The following NABP2 variants were observed in gnomAD, a reference collection of about 807,000 sequenced individuals.
NABP2 encodes SOSS complex subunit B1.
In NABP2, 7 loss-of-function variants were observed where a neutral mutation model predicts 22.7. The ratio of observed to expected loss-of-function variants is 0.31; its 90% CI spans 0.18 to 0.58. The LOEUF (loss-of-function observed/expected upper bound fraction) is 0.58. NABP2 is among the 20% of genes least tolerant of loss of function. The pLI, the probability that NABP2 is intolerant of heterozygous loss-of-function variation, is 0.89. For synonymous variants in NABP2, 107 were observed against 99.2 expected, an observed-to-expected ratio of 1.08 and a Z score of -0.47; for missense variants, 188 against 265.9, an observed-to-expected ratio of 0.71 and a Z score of 2.04.
Position 56,229,087 on chromosome 12 carries a change from T to TGGCCGG in NABP2, c.510_511insGGCCGG (p.Thr170_Pro171insGlyArg). On this transcript the variant is annotated inframe_insertion, in exon 7 of 7. Transcript: ENST00000267023. ...GTGGTGGCCCACATCCCCCTCATAC[T>TGGCCGG]CCCTCCCACCCACCCAGCACCCGAA... The TGGCCGG allele has an allele frequency of 6.6e-7, 1 of 1,512,338 alleles. No homozygotes were observed. The allele number at this position is 1,512,338 out of a possible 1,614,324, so 93.7% of individuals were successfully genotyped here.
At position 56,226,475 on chromosome 12, in the gene NABP2, C is replaced by T. The variant is rs941582215; in HGVS notation, c.436+56C>T. On this transcript the variant is annotated intron_variant, in intron 6 of 6. Transcript: ENST00000267023. ...TCCTAGCTCTCCCACTCTCCTCAGC[C>T]TAGAAAGATGCATTTCCCTCATTCC... 16 of 1,478,452 alleles carry T rather than the reference C, an allele frequency of 1.1e-5. No individual in the cohort carries two copies. The African/African-American group carries it at 1.2e-4, about 12-fold the overall frequency. The allele number at this position is 1,478,452 out of a possible 1,614,324, so 91.6% of individuals were successfully genotyped here. A position where few individuals can be genotyped will look rare whatever the true frequency, so the allele number is the denominator to read the frequency against.
intron 1 of NABP2, 51 bp from the exon 2 acceptor site, chr12:56,224,783 T>TG: frequency 6.6e-7 from 1 of 1,510,280 alleles, no homozygotes; most frequent in Non-Finnish European, 9.2e-7. Flanking sequence ...AAGTGGAGCA[T>TG]GGGGGCAAAG....
chr12:56,228,614 CT>C (rs1869917652), intron 6 of NABP2, among the ~76,000 whole-genome samples: 2 of 152,172 alleles, frequency 1.3e-5, no homozygotes, highest in South Asian at 4.2e-4. Flanking sequence ...TCTCGAATGC[CT>C]GACCTCGTGA....
Position 56,229,087 on chromosome 12 carries a change from T to TTGGCGG in NABP2, c.510_511insTGGCGG (p.Thr170_Pro171insTrpArg). 3 of 1,512,336 alleles carry TTGGCGG rather than the reference T, an allele frequency of 2.0e-6. No homozygotes were observed. The highest frequency in any genetic ancestry group is 2.7e-6 in the Non-Finnish European group (3 of 1,102,004). 93.7% of individuals were successfully genotyped at this position (1,512,336 alleles called of 1,614,324 possible). ...GTGGTGGCCCACATCCCCCTCATACTCCCTCCCACCCACCCAGCACCCGAA... is the reference window on the plus strand; with the variant it reads ...GTGGTGGCCCACATCCCCCTCATACTTGGCGGCCCTCCCACCCACCCAGCACCCGAA... On this transcript the variant is annotated inframe_insertion, in exon 7 of 7. Coordinates refer to ENST00000267023, the MANE Select transcript of NABP2 (RefSeq NM_024068.4).
At chr12:56,227,267 T>G (rs1869817361) in intron 6 of NABP2, among the ~76,000 whole-genome samples, 1 of 151,782 alleles carries the variant, frequency 6.6e-6, no homozygotes, top group African/African-American at 2.4e-5. Flanking sequence ...TCCCAGCTAC[T>G]TGGGAGGCCG....
At chr12:56,228,411 GAGT>G (rs1162040602) in intron 6 of NABP2, among the ~76,000 whole-genome samples, 1 of 149,580 alleles carries the variant, frequency 6.7e-6, no homozygotes, top group East Asian at 2.0e-4. Context: ...AATTGAGAAG[GAGT>G]CTCACACTGT....
chr12:56,226,557 C>CTTTTTTTTTTTTTTT (rs10676451), intron 6 of NABP2, 138 bp downstream of exon 6: 4 of 227,662 alleles, frequency 1.8e-5, no homozygotes, highest in Admixed American at 1.9e-4. Flanking sequence ...TCCCAGACCC[C>CTTTTTTTTTTTTTTT]TTTTTTTTTT....
chr12:56,223,541 A>C (rs1869608182), upstream of NABP2: 1 of 151,760 alleles, frequency 6.6e-6, no homozygotes, highest in Admixed American at 6.6e-5. Context: ...TGTTTCAAAA[A>C]AAAAAAAAAA....
intron 1 of NABP2, 147 bp downstream of exon 1, chr12:56,224,588 G>A: frequency 8.2e-7 from 1 of 1,222,656 alleles, no homozygotes; most frequent in Non-Finnish European, 1.0e-6. Flanking sequence ...CCGCCACTTC[G>A]CGGCTTGAGA....
At position 56,228,929 on chromosome 12, in the gene NABP2, C is replaced by T. The variant is rs1869946523; in HGVS notation, c.437-85C>T. ...GTTGTGCATGGTGAAGACTGTGCCA[C>T]TCTTTGGGGCATGGAGACAGGCCTT... On this transcript the variant is annotated intron_variant, in intron 6 of 6. Coordinates refer to ENST00000267023, the MANE Select transcript of NABP2 (RefSeq NM_024068.4). The T allele has an allele frequency of 2.3e-6, 3 of 1,279,888 alleles. No individual in the cohort carries two copies. In the East Asian group the frequency reaches 7.5e-5, roughly 32 times the overall value. 79.3% of individuals were successfully genotyped at this position (1,279,888 alleles called of 1,614,324 possible).
chr12:56,224,995 G>A (rs1389974026), intron 2 of NABP2, 60 bp downstream of exon 2: 2 of 1,267,984 alleles, frequency 1.6e-6, no homozygotes, highest in Non-Finnish European at 2.3e-6. Flanking sequence ...GGGGAAGAAC[G>A]CTGTCTGCGT....
At chr12:56,225,892 C>G (rs1035396827) in intron 4 of NABP2, among the ~76,000 whole-genome samples, 197 bp downstream of exon 4, 1 of 152,104 alleles carries the variant, frequency 6.6e-6, no homozygotes, top group Non-Finnish European at 1.5e-5. Flanking sequence ...CTTGACCTCC[C>G]GGGGTCAGGT....
chr12:56,226,249 C>T lies in NABP2; in HGVS notation c.361C>T (p.Pro121Ser). ...CCCAGAGTACAGCACCCAGCAGGCA[C>T]CCAACAAGGCGGTGAGTCCTGTGGC... ...PNPEYSTQQA[P>S]NKAVQNDSNP... is the part of the protein sequence containing the mutation. The change falls in exon 5 of 7, where the codon CCC (proline) becomes TCC (serine). Residue 121 changes from proline (P) to serine (S), a missense_variant. Transcript: ENST00000267023. 1.2e-6 allele frequency: 2 copies of T among 1,614,092 alleles called. No homozygotes were observed. Among genetic ancestry groups the T allele is most frequent in the Non-Finnish European group, 1.7e-6 (2 of 1,180,012 alleles).
At chr12:56,227,928 C>T (rs1869849644) in intron 6 of NABP2, among the ~76,000 whole-genome samples, 1 of 152,190 alleles carries the variant, frequency 6.6e-6, no homozygotes, top group African/African-American at 2.4e-5. Flanking sequence ...CGCAGTGGCT[C>T]GCGCCTGTAA....
intron 6 of NABP2, among the ~76,000 whole-genome samples, chr12:56,228,708 G>C (rs558148687): frequency 3.9e-5 from 6 of 152,134 alleles, no homozygotes; most frequent in South Asian, 2.1e-4. Flanking sequence ...ATTTTTGTCA[G>C]AGGTCCCTGA....
rs543216002 is a variant in NABP2 at position 56,228,576 on chromosome 12, C to T, written c.437-438C>T. Among the ~76,000 whole-genome samples the T allele has an allele frequency of 6.6e-5, 10 of 151,920 alleles. No homozygotes were observed. The South Asian group carries it at 1.9e-3, about 28-fold the overall frequency. On this transcript the variant is annotated intron_variant, in intron 6 of 6. Transcript: ENST00000267023. ...TAATTTTTTGTATTTTTAGTAGAGA[C>T]GGGGTTTCACTATGTTGGCCAGGCT...
At chr12:56,224,662 T>G in intron 1 of NABP2, 172 bp from the exon 2 acceptor site, 1 of 962,412 alleles carries the variant, frequency 1.0e-6, no homozygotes. Context: ...GACCCCCAAA[T>G]TCTGATCCTG....
At chr12:56,228,158 C>CT (rs1431655020) in intron 6 of NABP2, among the ~76,000 whole-genome samples, 1 of 152,110 alleles carries the variant, frequency 6.6e-6, no homozygotes, top group Non-Finnish European at 1.5e-5. Context: ...CTCCATTGCA[C>CT]TCCAGCCTGG....
chr12:56,226,458 C>CT, intron 6 of NABP2, 39 bp downstream of exon 6: 1 of 1,552,506 alleles, frequency 6.4e-7, no homozygotes, highest in South Asian at 1.1e-5. Context: ...CCTCCTAGCT[C>CT]TCCCACTCTC....
Sources: allele counts gnomAD v4.1 joint callset (sites outside exome capture counted in the v4.1 genomes callset), GRCh38; gene constraint gnomAD v4.1.1; transcripts MANE v1.5; gene names NCBI Gene and HGNC (gene_info 2026-07-23, HGNC 2026-07-21).